NWD2: variants seen among roughly 807,000 people sequenced by gnomAD.
NWD2 encodes NACHT and WD repeat domain containing 2.
Under a neutral mutation model 132.7 loss-of-function variants are expected in NWD2, and 37 were observed. The observed-to-expected ratio is 0.28, with a 90% CI of 0.21 to 0.37. The LOEUF is 0.37. NWD2 is among the 10% of genes least tolerant of loss of function. The pLI is 1.00. For synonymous variants in NWD2, 705 were observed against 803.0 expected (o/e 0.88, Z 2.06); for missense variants, 1,592 against 2,122.4 (o/e 0.75, Z 4.91).
intron 1 of NWD2, among the ~76,000 whole-genome samples, chr4:37,320,597 G>A (rs1484855539): frequency 6.6e-6 from 1 of 152,062 alleles, no homozygotes; most frequent in African/African-American, 2.4e-5. Context: ...AGTGTGGGAG[G>A]CTAGATGAGT....
chr4:37,420,486 C>T (rs147579649), intron 3 of NWD2, among the ~76,000 whole-genome samples: 2,006 of 152,248 alleles, frequency 0.013, 48 homozygotes, highest in African/African-American at 0.045. Context: ...GAGATCAAGA[C>T]CATCCTGGCC....
At chr4:37,274,975 A>G (rs1337825173) in intron 1 of NWD2, among the ~76,000 whole-genome samples, 1 of 152,206 alleles carries the variant, frequency 6.6e-6, no homozygotes, top group African/African-American at 2.4e-5. Flanking sequence ...CCAATATCAT[A>G]CTGAATGGAC....
At chr4:37,392,323 G>A (rs1483219773) in intron 3 of NWD2, among the ~76,000 whole-genome samples, 1 of 152,174 alleles carries the variant, frequency 6.6e-6, no homozygotes, top group African/African-American at 2.4e-5. Context: ...AGACTAGAAC[G>A]TGGATGATAA....
At chr4:37,303,468 G>T (rs1656230) in intron 1 of NWD2, among the ~76,000 whole-genome samples, 6,502 of 152,142 alleles carry the variant, frequency 0.043, 412 homozygotes, top group African/African-American at 0.13. Context: ...AAATTTTAGG[G>T]TTATTTCTTT....
At chr4:37,258,326 G>A (rs1365063981) in intron 1 of NWD2, among the ~76,000 whole-genome samples, 2 of 152,206 alleles carry the variant, frequency 1.3e-5, no homozygotes, top group Non-Finnish European at 1.5e-5. Context: ...TTGTGTTCTT[G>A]TAATGGTTAT....
chr4:37,298,885 C>T (rs1462707020), intron 1 of NWD2, among the ~76,000 whole-genome samples: 1 of 152,020 alleles, frequency 6.6e-6, no homozygotes, highest in Non-Finnish European at 1.5e-5. Flanking sequence ...GGGTGAAGTA[C>T]TTTATATTAA....
intron 2 of NWD2, among the ~76,000 whole-genome samples, chr4:37,335,675 A>G (rs1021969089): frequency 1.3e-5 from 2 of 151,650 alleles, no homozygotes; most frequent in Non-Finnish European, 2.9e-5. Context: ...CATGAACCCT[A>G]TCGTGAACTG....
At position 37,444,906 on chromosome 4, in the gene NWD2, T is replaced by A. The variant is rs1437805084; in HGVS notation, c.2918T>A (p.Ile973Asn). The A allele has an allele frequency of 6.4e-7, 1 of 1,552,278 alleles. No homozygotes were observed. The highest frequency in any genetic ancestry group is 8.7e-7 in the Non-Finnish European group (1 of 1,147,138). ...LSSSHLHVTEILPTCNPSTVL... is the reference protein window; with the variant it reads ...LSSSHLHVTENLPTCNPSTVL... ...TCCAGTCACCTGCATGTCACAGAGA[T>A]CCTGCCTACCTGTAACCCCAGCACT... Residue 973 changes from isoleucine to asparagine, a missense_variant, in exon 7 of 7, where the codon ATC becomes AAC. Coordinates refer to ENST00000309447, the MANE Select transcript of NWD2 (RefSeq NM_001144990.2). This position sits in a 1 kb window ranked among gnomAD's most constrained non-coding sequence, Gnocchi z 4.8.
chr4:37,274,431 A>G (rs1171830513), intron 1 of NWD2, among the ~76,000 whole-genome samples: 1 of 152,182 alleles, frequency 6.6e-6, no homozygotes, highest in Admixed American at 6.5e-5. Flanking sequence ...AAATTGAGGC[A>G]ATAATTAATA....
At chr4:37,387,105 T>G (rs1041111425) in intron 3 of NWD2, among the ~76,000 whole-genome samples, 6 of 152,164 alleles carry the variant, frequency 3.9e-5, no homozygotes, top group Non-Finnish European at 8.8e-5. Flanking sequence ...GTTAACTACA[T>G]TATTCAAGCA....
intron 3 of NWD2, among the ~76,000 whole-genome samples, chr4:37,368,609 G>T (rs776710475): frequency 5.3e-5 from 8 of 152,184 alleles, no homozygotes; most frequent in Non-Finnish European, 7.4e-5. Context: ...AAACTGGTTT[G>T]TTCTGATTCT....
intron 3 of NWD2, among the ~76,000 whole-genome samples, chr4:37,407,480 A>G (rs1871479): frequency 0.98 from 149,270 of 152,278 alleles, 73,223 homozygotes; most frequent in Middle Eastern, 1. Flanking sequence ...AGGAGATACT[A>G]ATGCCACTGA....
chr4:37,365,448 A>G (rs1720082164), intron 3 of NWD2, among the ~76,000 whole-genome samples: 2 of 152,230 alleles, frequency 1.3e-5, no homozygotes, highest in South Asian at 4.1e-4. Context: ...TCTAAATTAA[A>G]CAGTCTAGCT....
chr4:37,298,667 C>T (rs1190249441), intron 1 of NWD2, among the ~76,000 whole-genome samples: 1 of 152,048 alleles, frequency 6.6e-6, no homozygotes, highest in African/African-American at 2.4e-5. Context: ...AACAGAAAAT[C>T]ATTATTTGAC....
At chr4:37,286,599 G>A (rs1718237326) in intron 1 of NWD2, among the ~76,000 whole-genome samples, 1 of 152,190 alleles carries the variant, frequency 6.6e-6, no homozygotes, top group South Asian at 2.1e-4. Flanking sequence ...CCTGTAGTGT[G>A]TAGCCTGGAT....
chr4:37,267,257 T>C (rs564938725), intron 1 of NWD2, among the ~76,000 whole-genome samples: 27 of 152,172 alleles, frequency 1.8e-4, no homozygotes, highest in African/African-American at 6.0e-4. Context: ...TTGCAAAGAT[T>C]CATTGTCATT....
chr4:37,332,465 A>AT (rs1719314780), intron 2 of NWD2, among the ~76,000 whole-genome samples: 1 of 151,824 alleles, frequency 6.6e-6, no homozygotes, highest in Non-Finnish European at 1.5e-5. Context: ...TGAAAAAAAA[A>AT]AAAAAAAGGA....
intron 1 of NWD2, among the ~76,000 whole-genome samples, chr4:37,268,727 A>G (rs982228875): frequency 7.5e-5 from 3 of 40,118 alleles, no homozygotes; most frequent in Middle Eastern, 8.9e-3. Context: ...GGCTGTTGGC[A>G]TGAGGAATCA....
intron 2 of NWD2, among the ~76,000 whole-genome samples, chr4:37,335,638 A>G (rs542683660): frequency 6.6e-6 from 1 of 152,062 alleles, no homozygotes; most frequent in East Asian, 1.9e-4. Flanking sequence ...CTGTCAGATC[A>G]GCGGTGGCAT....
Sources: gnomAD v4.1 joint callset for allele counts (sites outside exome capture counted in the v4.1 genomes callset) on GRCh38, gnomAD v4.1.1 for gene constraint, Gnocchi (gnomAD v3.1) non-coding constraint, MANE v1.5 for transcripts, NCBI Gene and HGNC (gene_info 2026-07-23, HGNC 2026-07-21) for gene names.